RTRAF: variants seen among roughly 807,000 people sequenced by gnomAD.
RTRAF encodes the protein tRNA-splicing ligase complex subunit RTRAF.
RTRAF carries 14 observed loss-of-function variants against 34.4 expected under a neutral mutation model. That is an observed-to-expected ratio of 0.41 (90% CI 0.27 to 0.64). RTRAF has a LOEUF of 0.64. Ranked by LOEUF, RTRAF falls within the 30% of genes least tolerant of loss-of-function variation. The pLI is 0.34. For missense variants in RTRAF, 291 were observed against 288.4 expected (o/e 1.01, Z -0.06); for synonymous variants, 96 against 95.3 (o/e 1.01, Z -0.04).
At chr14:51,989,839 G>C in intron 1 of RTRAF, 139 bp downstream of exon 1, 1 of 770,354 alleles carries the variant, frequency 1.3e-6, no homozygotes, top group Non-Finnish European at 2.1e-6. Context: ...TCTCCTCTGG[G>C]TCGCCACGTA....
At chr14:51,994,404 G>A (rs1477533941) in intron 3 of RTRAF, among the ~76,000 whole-genome samples, 1 of 152,160 alleles carries the variant, frequency 6.6e-6, no homozygotes, top group Non-Finnish European at 1.5e-5. Context: ...CCTGCATTTT[G>A]TGTTTTTCGG....
chr14:52,001,177 T>A lies in RTRAF; in HGVS notation c.463-621T>A, dbSNP rs570052759. ...AAATTATAGTTTAAGTTTTCACACT[T>A]ATTTTTGAGTTGTAATTGTCATCTT... On this transcript the variant is annotated intron_variant, in intron 5 of 7. Coordinates refer to ENST00000261700, the MANE Select transcript of RTRAF (RefSeq NM_016039.3). Among the ~76,000 whole-genome samples, 9 of 152,348 alleles carry A rather than the reference T, an allele frequency of 5.9e-5. No homozygotes were observed. In the South Asian group the frequency reaches 1.9e-3, roughly 32 times the overall value.
chr14:52,002,249 C>T (rs1297049971), intron 6 of RTRAF, among the ~76,000 whole-genome samples: 1 of 152,200 alleles, frequency 6.6e-6, no homozygotes, highest in African/African-American at 2.4e-5. Context: ...CTTTTTCTAT[C>T]TAAATTCTAT....
intron 5 of RTRAF, among the ~76,000 whole-genome samples, chr14:52,000,563 C>T (rs1437172345): frequency 1.3e-5 from 2 of 152,110 alleles, no homozygotes; most frequent in East Asian, 1.9e-4. Flanking sequence ...TCACTCTACC[C>T]AGAAGAGATT....
intron 2 of RTRAF, among the ~76,000 whole-genome samples, chr14:51,991,726 G>A (rs1377263452): frequency 6.6e-6 from 1 of 152,018 alleles, no homozygotes; most frequent in Non-Finnish European, 1.5e-5. Flanking sequence ...TTCCCTTTAT[G>A]GCCCAAATCA....
At chr14:51,992,851 C>T (rs12886331) in intron 2 of RTRAF, among the ~76,000 whole-genome samples, 9,468 of 152,062 alleles carry the variant, frequency 0.062, 374 homozygotes, top group Middle Eastern at 0.13. Flanking sequence ...GCCAACGTGG[C>T]GAAACCCCGT....
In RTRAF at chr14:52,008,045, T is replaced by C; in HGVS notation, c.*3529T>C. ...GCAGCATCTAAGCAGCCCCCAGTGA[T>C]CTCCATCTCCTCATGTATTATAGCC... is the stretch of plus-strand genomic sequence containing the variant. On this transcript the variant is annotated 3_prime_UTR_variant, in exon 8 of 8. Transcript: ENST00000261700. 8.7e-7 allele frequency: 1 copy of C among 1,152,080 alleles called. No homozygotes were observed. The allele number at this position is 1,152,080 out of a possible 1,614,324, so 71.4% of individuals were successfully genotyped here.
rs766112608 is a variant in RTRAF, at chr14:51,991,453, G to T, written c.186+12G>T. On this transcript the variant is annotated intron_variant, in intron 2 of 7. Coordinates refer to ENST00000261700, the MANE Select transcript of RTRAF (RefSeq NM_016039.3). Reference sequence around the variant, plus strand: ...AGTTCTTTGAAAAGGTAATGAATTAGGAAGTAAAGTAAAAATACAGAGAGT... The same window carrying T: ...AGTTCTTTGAAAAGGTAATGAATTATGAAGTAAAGTAAAAATACAGAGAGT... 11 of 1,602,638 alleles carry T rather than the reference G, an allele frequency of 6.9e-6. No homozygotes were observed. The highest frequency in any genetic ancestry group is 9.4e-6 in the Non-Finnish European group (11 of 1,175,038).
At position 51,989,613 on chromosome 14, in the gene RTRAF, G is replaced by T; in HGVS notation, c.-27G>T. 6.3e-7 allele frequency: 1 copy of T among 1,589,512 alleles called. No individual in the cohort carries two copies. Among genetic ancestry groups the T allele is most frequent in the East Asian group, 2.3e-5 (1 of 42,868 alleles). ...GCTTCTTCTCTCCCGGCCGAGGCCC[G>T]GGGGACCAGAGCGAGAAGCGGGGAC... On this transcript the variant is annotated 5_prime_UTR_variant, in exon 1 of 8. Transcript: ENST00000261700.
intron 1 of RTRAF, among the ~76,000 whole-genome samples, chr14:51,990,486 A>G (rs1319888566): frequency 1.3e-5 from 2 of 152,238 alleles, no homozygotes; most frequent in African/African-American, 4.8e-5. Flanking sequence ...GTAATTCTCA[A>G]GACCTTATAA....
chr14:52,009,593 T>A lies in RTRAF; in HGVS notation c.*5077T>A, dbSNP rs960251507. On this transcript the variant is annotated 3_prime_UTR_variant, in exon 8 of 8. Coordinates refer to ENST00000261700, the MANE Select transcript of RTRAF (RefSeq NM_016039.3). Reference sequence around the variant, plus strand: ...TTCATATTTAAACTCATGGCTGTGATGTGGATTTCAGCTTAAAAGTATGCT... The same window carrying A: ...TTCATATTTAAACTCATGGCTGTGAAGTGGATTTCAGCTTAAAAGTATGCT... The A allele has an allele frequency of 6.6e-6, 1 of 152,234 alleles. No individual in the cohort carries two copies. The highest frequency in any genetic ancestry group is 6.5e-5 in the Admixed American group (1 of 15,286). The allele number at this position is 152,234 out of a possible 1,614,324, so 9.4% of individuals were successfully genotyped here.
intron 3 of RTRAF, 64 bp from the exon 4 acceptor site, chr14:51,998,430 A>G: frequency 1.1e-6 from 1 of 887,474 alleles, no homozygotes; most frequent in Non-Finnish European, 1.7e-6. Context: ...AATTTGGTAA[A>G]TAGCAGTAGT....
At chr14:51,996,102 TACATGTA>T (rs1283498552) in intron 3 of RTRAF, among the ~76,000 whole-genome samples, 1 of 152,158 alleles carries the variant, frequency 6.6e-6, no homozygotes, top group Non-Finnish European at 1.5e-5. Context: ...CTTTAGTAAG[TACATGTA>T]TTTCTCAGTA....
chr14:52,002,038 A>G, intron 6 of RTRAF, 172 bp downstream of exon 6: 1 of 602,642 alleles, frequency 1.7e-6, no homozygotes, highest in East Asian at 3.0e-5. Context: ...TTCAGTGGCT[A>G]GGGGGTCATT....
chr14:52,004,569 C>CT lies in RTRAF; in HGVS notation c.*55dup. ...ACTTAGTACAGTTGGGAACCATACA[C>CT]TTCTGGCATGTTTGGAAATCAAAAT... On this transcript the variant is annotated 3_prime_UTR_variant, in exon 8 of 8. Coordinates refer to ENST00000261700, the MANE Select transcript of RTRAF (RefSeq NM_016039.3). 1.3e-6 allele frequency: 2 copies of CT among 1,494,380 alleles called. No homozygotes were observed. Among genetic ancestry groups the CT allele is most frequent in the Non-Finnish European group, 1.8e-6 (2 of 1,112,370 alleles). The allele number at this position is 1,494,380 out of a possible 1,614,324, so 92.6% of individuals were successfully genotyped here. A position where few individuals can be genotyped will look rare whatever the true frequency, so the allele number is the denominator to read the frequency against.
Position 52,006,417 on chromosome 14 carries a change from G to T in RTRAF, c.*1901G>T. ...TCTTATCTGCCAATGAGGAGGTGAT[G>T]AAACAAAAGCCTCAGAGGGCTTAAT... On this transcript the variant is annotated 3_prime_UTR_variant, in exon 8 of 8. Coordinates refer to ENST00000261700, the MANE Select transcript of RTRAF (RefSeq NM_016039.3). 2 of 1,115,208 alleles carry T rather than the reference G, an allele frequency of 1.8e-6. No homozygotes were observed. Among genetic ancestry groups the T allele is most frequent in the Non-Finnish European group, 1.3e-6 (1 of 774,550 alleles). 69.1% of individuals were successfully genotyped at this position (1,115,208 alleles called of 1,614,324 possible).
chr14:52,009,468 A>T lies in RTRAF; in HGVS notation c.*4952A>T, dbSNP rs1159555847. On this transcript the variant is annotated 3_prime_UTR_variant, in exon 8 of 8. Transcript: ENST00000261700. ...ACGCAGTTGAAGGAGATGTAATTAC[A>T]TGTGTTATATTGCAACCTGGTTCAA... is the stretch of plus-strand genomic sequence containing the variant. 6.6e-6 allele frequency: 1 copy of T among 152,202 alleles called. No homozygotes were observed. Among genetic ancestry groups the T allele is most frequent in the Non-Finnish European group, 1.5e-5 (1 of 68,034 alleles). The allele number at this position is 152,202 out of a possible 1,614,324, so 9.4% of individuals were successfully genotyped here.
rs1319235568 is a variant in RTRAF, at chr14:52,005,348, A to T, written c.*832A>T. On this transcript the variant is annotated 3_prime_UTR_variant, in exon 8 of 8. Transcript: ENST00000261700. The stretch of plus-strand genomic sequence containing the variant: ...CAGCTTTTCACAAAAGTCTTTTTGC[A>T]CTACAAAATGTTCATCTTGGATGCT... 2 of 702,562 alleles carry T rather than the reference A, an allele frequency of 2.8e-6. No individual in the cohort carries two copies. The highest frequency in any genetic ancestry group is 4.3e-6 in the Non-Finnish European group (2 of 464,344). 43.5% of individuals were successfully genotyped at this position (702,562 alleles called of 1,614,324 possible).
At chr14:51,993,625 G>A in intron 2 of RTRAF, 98 bp from the exon 3 acceptor site, 1 of 696,612 alleles carries the variant, frequency 1.4e-6, no homozygotes, top group Non-Finnish European at 2.5e-6. Flanking sequence ...AAAATTGTTA[G>A]AGATCCAAAC....
Sources: gnomAD v4.1 joint callset for allele counts (sites outside exome capture counted in the v4.1 genomes callset) on GRCh38, gnomAD v4.1.1 for gene constraint, MANE v1.5 for transcripts, NCBI Gene and HGNC (gene_info 2026-07-23, HGNC 2026-07-21) for gene names.